EXOC4: variants seen among roughly 807,000 people sequenced by gnomAD.
The protein encoded by EXOC4 is SEC8-like 1.
Under a neutral mutation model 107.2 loss-of-function variants are expected in EXOC4, and 71 were observed. That is an observed-to-expected ratio of 0.66 (90% CI 0.55 to 0.81). EXOC4 has a LOEUF of 0.81. Ranked by LOEUF, EXOC4 falls within the 30% of genes least tolerant of loss-of-function variation. The pLI, the probability that EXOC4 is intolerant of heterozygous loss-of-function variation, is 0.00. For missense variants in EXOC4, 1,108 were observed against 1,189.6 expected (o/e 0.93, Z 1.01); for synonymous variants, 456 against 441.2 (o/e 1.03, Z -0.42).
intron 12 of EXOC4, among the ~76,000 whole-genome samples, chr7:133,905,482 C>T (rs1321300332): frequency 6.6e-6 from 1 of 152,178 alleles, no homozygotes; most frequent in African/African-American, 2.4e-5. Flanking sequence ...GAGTTGCCTA[C>T]TTCCAAGCAG....
At chr7:133,972,945 C>T (rs2971982) in intron 14 of EXOC4, among the ~76,000 whole-genome samples, 106,270 of 152,124 alleles carry the variant, frequency 0.7, 37,537 homozygotes, top group East Asian at 0.91. Flanking sequence ...TGGGTAGCCA[C>T]AACTGTTACA....
intron 7 of EXOC4, among the ~76,000 whole-genome samples, chr7:133,434,497 A>C (rs1171388320): frequency 6.6e-6 from 1 of 152,168 alleles, no homozygotes; most frequent in Non-Finnish European, 1.5e-5. Flanking sequence ...CTGTTACTAC[A>C]AACTTCAAAG....
intron 12 of EXOC4, among the ~76,000 whole-genome samples, chr7:133,914,524 A>G (rs553242476): frequency 2.6e-4 from 39 of 152,324 alleles, no homozygotes; most frequent in African/African-American, 9.4e-4. Context: ...GGAGTAGAAA[A>G]GTAGCCCCTA....
intron 9 of EXOC4, among the ~76,000 whole-genome samples, chr7:133,566,896 G>T (rs1436239932): frequency 6.6e-6 from 1 of 152,068 alleles, no homozygotes; most frequent in African/African-American, 2.4e-5. Context: ...TAGACTAAAG[G>T]TTCAGAATAT....
At chr7:133,937,385 C>A (rs187691428) in intron 13 of EXOC4, among the ~76,000 whole-genome samples, 7 of 152,226 alleles carry the variant, frequency 4.6e-5, no homozygotes, top group African/African-American at 7.2e-5. Flanking sequence ...ATAAATGAAG[C>A]CTGTCATCCA....
chr7:133,662,561 G>A lies in EXOC4; in HGVS notation c.1514+32420G>A, dbSNP rs191983697. On this transcript the variant is annotated intron_variant, in intron 10 of 17. Transcript: ENST00000253861. ...TTCCATGATTATCCTCACCTATCACGTATGGCTAGTTTAAGAGCGTTATTT... is the reference window on the plus strand; with the variant it reads ...TTCCATGATTATCCTCACCTATCACATATGGCTAGTTTAAGAGCGTTATTT... Among the ~76,000 whole-genome samples the A allele has an allele frequency of 2.9e-3, 444 of 152,118 alleles. 2 individuals carry two copies. The highest frequency in any genetic ancestry group is 5.2e-3 in the Non-Finnish European group (356 of 68,000).
intron 9 of EXOC4, among the ~76,000 whole-genome samples, chr7:133,552,876 T>C (rs972700511): frequency 2.6e-5 from 4 of 152,202 alleles, no homozygotes; most frequent in Admixed American, 6.5e-5. Context: ...CTGTTGTTTT[T>C]GGCCTCCTCT....
chr7:133,929,769 C>A lies in EXOC4; in HGVS notation c.2028-8122C>A, dbSNP rs553302018. Among the ~76,000 whole-genome samples, 6 of 152,200 alleles carry A rather than the reference C, an allele frequency of 3.9e-5. No homozygotes were observed. In the South Asian group the frequency reaches 1.2e-3, roughly 32 times the overall value. On this transcript the variant is annotated intron_variant, in intron 13 of 17. Transcript: ENST00000253861. ...CCCATGTCTACTGCTCCCTTCTTTG[C>A]GTCAATGTGTATCTCATTTTGCCCC...
intron 9 of EXOC4, among the ~76,000 whole-genome samples, chr7:133,488,819 C>A (rs1799317894): frequency 6.6e-6 from 1 of 151,428 alleles, no homozygotes; most frequent in South Asian, 2.1e-4. Context: ...AATGAATGAA[C>A]TATGCTATAC....
chr7:134,094,963 A>G, the EXOC4 span, among the ~76,000 whole-genome samples: 1 of 152,108 alleles, frequency 6.6e-6, no homozygotes, highest in Admixed American at 6.6e-5. Context: ...AGCCACAGCA[A>G]TCAAGCAAAA....
chr7:133,513,967 C>T (rs1799822553), intron 9 of EXOC4, among the ~76,000 whole-genome samples: 1 of 152,126 alleles, frequency 6.6e-6, no homozygotes, highest in Admixed American at 6.5e-5. Context: ...CACATTGTGG[C>T]TGGCTGGCTC....
intron 4 of EXOC4, among the ~76,000 whole-genome samples, chr7:133,311,396 C>T (rs1211934256): frequency 8.6e-5 from 13 of 151,732 alleles, no homozygotes; most frequent in Non-Finnish European, 1.5e-4. Context: ...AGAAATAGAC[C>T]CCAGGATCTA....
At chr7:133,684,028 G>A (rs945103093) in intron 10 of EXOC4, among the ~76,000 whole-genome samples, 2 of 152,032 alleles carry the variant, frequency 1.3e-5, no homozygotes, top group African/African-American at 2.4e-5. Context: ...AGAAAGCTAC[G>A]GGATCACATT....
intron 3 of EXOC4, among the ~76,000 whole-genome samples, chr7:133,296,715 T>C (rs1001254911): frequency 6.6e-6 from 1 of 152,074 alleles, no homozygotes; most frequent in African/African-American, 2.4e-5. Flanking sequence ...ATTTTGCTTT[T>C]TTATCTGCTA....
At chr7:133,833,338 T>C (rs975512537) in intron 11 of EXOC4, among the ~76,000 whole-genome samples, 1 of 152,114 alleles carries the variant, frequency 6.6e-6, no homozygotes, top group African/African-American at 2.4e-5. Context: ...TTTTACCAAG[T>C]CATTTAGAGA....
intron 7 of EXOC4, among the ~76,000 whole-genome samples, chr7:133,400,853 G>T (rs2150731106): frequency 6.6e-6 from 1 of 152,286 alleles, no homozygotes; most frequent in East Asian, 1.9e-4. Flanking sequence ...TGGTAGATTA[G>T]TGGATATTTT....
intron 15 of EXOC4, among the ~76,000 whole-genome samples, chr7:134,001,943 A>C (rs1794539689): frequency 1.3e-5 from 2 of 152,228 alleles, no homozygotes; most frequent in African/African-American, 4.8e-5. Context: ...TCTGTCATTT[A>C]CTTTAAAAAT....
At chr7:133,984,497 T>C (rs189337086) in intron 14 of EXOC4, among the ~76,000 whole-genome samples, 4 of 152,204 alleles carry the variant, frequency 2.6e-5, no homozygotes, top group Non-Finnish European at 2.9e-5. Flanking sequence ...GTTAAAGGCA[T>C]TGTGAAAATA....
At chr7:133,849,859 T>G (rs1371627947) in intron 11 of EXOC4, among the ~76,000 whole-genome samples, 1 of 152,230 alleles carries the variant, frequency 6.6e-6, no homozygotes, top group African/African-American at 2.4e-5. Flanking sequence ...GAAAAAGGTC[T>G]CTTGTCTAAA....
Sources: gnomAD v4.1 joint callset for allele counts (sites outside exome capture counted in the v4.1 genomes callset) on GRCh38, gnomAD v4.1.1 for gene constraint, MANE v1.5 for transcripts, NCBI Gene and HGNC (gene_info 2026-07-23, HGNC 2026-07-21) for gene names.